Variants in DNAL1 observed in about 807,000 individuals in gnomAD.
DNAL1 encodes the protein dynein axonemal light chain 1.
In DNAL1, 17 loss-of-function variants were observed where a neutral mutation model predicts 29.4. The observed-to-expected ratio is 0.58, with a 90% CI of 0.40 to 0.87. The LOEUF (loss-of-function observed/expected upper bound fraction) is 0.87, where lower values mean the gene tolerates loss of function less well. Among genes scored for constraint, DNAL1 ranks in the 40% least tolerant of loss-of-function variants. DNAL1 has a pLI of 0.00. For synonymous variants in DNAL1, 78 were observed against 76.3 expected (o/e 1.02, Z -0.12); for missense variants, 188 against 214.1 (o/e 0.88, Z 0.76).
chr14:73,687,829 C>T (rs1196212858), intron 6 of DNAL1, among the ~76,000 whole-genome samples: 7 of 152,060 alleles, frequency 4.6e-5, no homozygotes, highest in South Asian at 2.1e-4. Context: ...GCCGAGATCG[C>T]GCCGCTGCAC....
chr14:73,689,455 G>T lies in DNAL1; in HGVS notation c.472G>T (p.Ala158Ser), dbSNP rs1595225843. Residue 158 changes from alanine to serine, a missense_variant, in exon 7 of 8, where the codon GCT becomes TCT. Transcript: ENST00000553645. ...CAATCCCTTGGAAGAGAAACATTCTGCTGAGAATAACTGGATTGAAGAAGC... is the reference window on the plus strand; with the variant it reads ...CAATCCCTTGGAAGAGAAACATTCTTCTGAGAATAACTGGATTGAAGAAGC... ...VGNPLEEKHS[A>S]ENNWIEEATK... is the part of the protein sequence containing the mutation. 6.4e-7 allele frequency: 1 copy of T among 1,570,138 alleles called. No homozygotes were observed. The highest frequency in any genetic ancestry group is 8.6e-7 in the Non-Finnish European group (1 of 1,157,264).
chr14:73,679,401 A>G (rs1891821557), intron 5 of DNAL1, among the ~76,000 whole-genome samples: 1 of 152,226 alleles, frequency 6.6e-6, no homozygotes, highest in African/African-American at 2.4e-5. Flanking sequence ...GCAAACAGAA[A>G]AATGCACTCA....
intron 2 of DNAL1, 106 bp downstream of exon 2, chr14:73,654,991 C>T (rs1052306638): frequency 2.6e-6 from 3 of 1,146,242 alleles, no homozygotes; most frequent in Admixed American, 5.3e-5. Flanking sequence ...GGTATTGGAA[C>T]TATTCAGCTA....
At position 73,698,654 on chromosome 14, in the gene DNAL1, G is replaced by A. The variant is rs974863443; in HGVS notation, c.*2712G>A. 1 of 152,082 alleles carries A rather than the reference G, an allele frequency of 6.6e-6. No individual in the cohort carries two copies. The highest frequency in any genetic ancestry group is 2.4e-5 in the African/African-American group (1 of 41,394). 9.4% of individuals were successfully genotyped at this position (152,082 alleles called of 1,614,324 possible). On this transcript the variant is annotated 3_prime_UTR_variant, in exon 8 of 8. Coordinates refer to ENST00000553645, the MANE Select transcript of DNAL1 (RefSeq NM_031427.4). ...AGATGGGGTTTCACCATGTTGGCCA[G>A]GCTTGTCTTGAACTCCTAACTTCAG...
At chr14:73,663,404 C>G (rs1891400037) in intron 4 of DNAL1, among the ~76,000 whole-genome samples, 1 of 152,016 alleles carries the variant, frequency 6.6e-6, no homozygotes, top group Admixed American at 6.6e-5. Context: ...TGGGGTTTCA[C>G]CATGTTGGCC....
intron 2 of DNAL1, among the ~76,000 whole-genome samples, chr14:73,656,434 CT>C (rs558976461): frequency 1.2e-3 from 154 of 132,612 alleles, no homozygotes; most frequent in South Asian, 1.9e-3. Context: ...ACATTTTTGA[CT>C]TTTTTTTTTT....
intron 3 of DNAL1, among the ~76,000 whole-genome samples, 165 bp downstream of exon 3, chr14:73,659,121 T>A (rs2140031206): frequency 6.6e-6 from 1 of 152,258 alleles, no homozygotes; most frequent in African/African-American, 2.4e-5. Context: ...ATGACTGGTT[T>A]ATAGGATTAT....
At chr14:73,692,804 T>C (rs1172930967) in intron 7 of DNAL1, among the ~76,000 whole-genome samples, 4 of 151,918 alleles carry the variant, frequency 2.6e-5, no homozygotes, top group Admixed American at 2.6e-4. Flanking sequence ...CCCATTTTTG[T>C]TTCTCTTCTG....
chr14:73,689,556 TA>T, intron 7 of DNAL1, 41 bp downstream of exon 7: 1 of 1,571,860 alleles, frequency 6.4e-7, no homozygotes, highest in Non-Finnish European at 8.6e-7. Flanking sequence ...CTTCTAGGCA[TA>T]AAAATGGAAT....
In DNAL1 at chr14:73,645,018, A is replaced by G; in HGVS notation, c.-22A>G. The G allele has an allele frequency of 8.1e-6, 13 of 1,609,240 alleles. No homozygotes were observed. Among genetic ancestry groups the G allele is most frequent in the Non-Finnish European group, 1.1e-5 (13 of 1,178,214 alleles). ...CCCCGCGGGCCCTAGCAACCAGAGC[A>G]GTGACAGTAGCAACCGCCGGAATGG... On this transcript the variant is annotated 5_prime_UTR_variant, in exon 1 of 8. Transcript: ENST00000553645.
At chr14:73,665,271 A>G (rs1310923311) in intron 4 of DNAL1, among the ~76,000 whole-genome samples, 1 of 152,092 alleles carries the variant, frequency 6.6e-6, no homozygotes, top group Non-Finnish European at 1.5e-5. Flanking sequence ...CGGTATTTAC[A>G]TAGTGTTAAC....
In DNAL1 at chr14:73,654,894, A is replaced by G. The variant is rs751332640; in HGVS notation, c.42+9A>G. On this transcript the variant is annotated intron_variant, in intron 2 of 7. Transcript: ENST00000553645. ...AAGCCTTAGCGAGATGGGTGAGTAC[A>G]TGAGTTTTTCCTTCTTTTAGAAACT... 8.4e-5 allele frequency: 130 copies of G among 1,542,926 alleles called. No homozygotes were observed. In the East Asian group the frequency reaches 2.3e-3, roughly 27 times the overall value.
chr14:73,648,514 G>A (rs770440029), intron 1 of DNAL1, among the ~76,000 whole-genome samples: 25 of 147,878 alleles, frequency 1.7e-4, no homozygotes, highest in Non-Finnish European at 2.4e-4. Flanking sequence ...TCCACCTCCC[G>A]GGATCCTCCC....
At chr14:73,695,067 TTTTTTTGAGACAGGG>T (rs949095989) in intron 7 of DNAL1, among the ~76,000 whole-genome samples, 1 of 143,032 alleles carries the variant, frequency 7.0e-6, no homozygotes, top group African/African-American at 2.6e-5. Flanking sequence ...TTTTTTTTTT[TTTTTTTGAGACAGGG>T]TCTTACTCTG....
intron 2 of DNAL1, among the ~76,000 whole-genome samples, chr14:73,656,309 G>C (rs1234045326): frequency 1.3e-5 from 2 of 151,650 alleles, no homozygotes; most frequent in African/African-American, 2.4e-5. Flanking sequence ...AGTAGACTTA[G>C]TACCAGATTT....
chr14:73,671,553 A>T lies in DNAL1; in HGVS notation c.220A>T (p.Ile74Leu). ...ANLNGLKNLRILSLGRNNIKN... is the reference protein window; with the variant it reads ...ANLNGLKNLRLLSLGRNNIKN... Reference sequence around the variant, plus strand: ...TCTTTTCACTACAGAAAACTTGAGGATATTATCTTTAGGAAGAAACAACAT... The same window carrying T: ...TCTTTTCACTACAGAAAACTTGAGGTTATTATCTTTAGGAAGAAACAACAT... Residue 74 changes from isoleucine (I) to leucine (L), a missense_variant, in exon 5 of 8, where the codon ATA (isoleucine) becomes TTA (leucine). Physicochemically the swap from Ile to Leu is conservative, Grantham distance 5. Transcript: ENST00000553645. 1 of 1,492,560 alleles carries T rather than the reference A, an allele frequency of 6.7e-7. No individual in the cohort carries two copies. Among genetic ancestry groups the T allele is most frequent in the Non-Finnish European group, 9.0e-7 (1 of 1,115,648 alleles). 92.5% of individuals were successfully genotyped at this position (1,492,560 alleles called of 1,614,324 possible).
At chr14:73,656,065 T>C (rs1186552808) in intron 2 of DNAL1, among the ~76,000 whole-genome samples, 1 of 152,182 alleles carries the variant, frequency 6.6e-6, no homozygotes, top group Non-Finnish European at 1.5e-5. Context: ...TAAGATCTAG[T>C]GTAGTTTTTT....
At chr14:73,665,895 ACT>A (rs1249867615) in intron 4 of DNAL1, among the ~76,000 whole-genome samples, 1 of 151,950 alleles carries the variant, frequency 6.6e-6, no homozygotes, top group Non-Finnish European at 1.5e-5. Context: ...GTTGGTAGAG[ACT>A]CTCAGGAAAA....
intron 4 of DNAL1, among the ~76,000 whole-genome samples, chr14:73,664,432 A>G (rs1891428488): frequency 6.6e-6 from 1 of 152,172 alleles, no homozygotes; most frequent in Non-Finnish European, 1.5e-5. Context: ...TTGATGTCGC[A>G]TTAAAAGTCA....
Sources: allele counts gnomAD v4.1 joint callset (sites outside exome capture counted in the v4.1 genomes callset), GRCh38; gene constraint gnomAD v4.1.1; transcripts MANE v1.5; gene names NCBI Gene and HGNC (gene_info 2026-07-23, HGNC 2026-07-21).